The following TENM2 variants were observed in gnomAD, a reference collection of about 807,000 sequenced individuals.
TENM2 encodes teneurin-2.
A neutral mutation model predicts 245.2 loss-of-function variants in TENM2; 52 were observed. That is an observed-to-expected ratio of 0.21 (90% CI 0.17 to 0.27). The LOEUF is 0.27. TENM2 is among the 10% of genes least tolerant of loss of function. The pLI, the probability that TENM2 is intolerant of heterozygous loss-of-function variation, is 1.00. For synonymous variants in TENM2, 1,363 were observed against 1,438.9 expected (o/e 0.95, Z 1.19); for missense variants, 3,046 against 3,666.8 (o/e 0.83, Z 4.37).
intron 4 of TENM2, among the ~76,000 whole-genome samples, chr5:167,985,109 T>C (rs1214222718): frequency 6.6e-6 from 1 of 152,224 alleles, no homozygotes; most frequent in East Asian, 1.9e-4. Context: ...ACAATAAACC[T>C]GATGCTTCAA....
chr5:167,893,830 T>G (rs2151475836), intron 3 of TENM2, among the ~76,000 whole-genome samples: 1 of 152,280 alleles, frequency 6.6e-6, no homozygotes, highest in African/African-American at 2.4e-5. Context: ...GTGTCAGCCT[T>G]GATTTCTTAT....
At chr5:167,121,664 C>T in the TENM2 span, among the ~76,000 whole-genome samples, 52 of 152,316 alleles carry the variant, frequency 3.4e-4, no homozygotes, top group African/African-American at 1.2e-3. Flanking sequence ...GAACCTCAGT[C>T]CCCAGGTTCT....
At chr5:168,180,960 C>T (rs1199332831) in intron 13 of TENM2, among the ~76,000 whole-genome samples, 9 of 151,836 alleles carry the variant, frequency 5.9e-5, no homozygotes, top group Admixed American at 1.3e-4. Context: ...GAATTCAGTA[C>T]GTCTGGGTTG....
chr5:168,034,546 C>T (rs1787490574), intron 5 of TENM2, among the ~76,000 whole-genome samples: 1 of 151,572 alleles, frequency 6.6e-6, no homozygotes. Flanking sequence ...AGCCTGGCAA[C>T]ATAGTGAGAC....
At chr5:167,885,171 T>G (rs541510387) in intron 3 of TENM2, among the ~76,000 whole-genome samples, 1 of 152,332 alleles carries the variant, frequency 6.6e-6, no homozygotes, top group Non-Finnish European at 1.5e-5. Flanking sequence ...GATAGGTGAT[T>G]TGCAAATATT....
chr5:167,138,443 A>G, the TENM2 span, among the ~76,000 whole-genome samples: 1 of 152,216 alleles, frequency 6.6e-6, no homozygotes, highest in Non-Finnish European at 1.5e-5. Flanking sequence ...ATAAAAGGCA[A>G]CATAGTTGCA....
At chr5:166,990,734 T>C in the TENM2 span, among the ~76,000 whole-genome samples, 1 of 152,198 alleles carries the variant, frequency 6.6e-6, no homozygotes, top group South Asian at 2.1e-4. Flanking sequence ...TTCAAATAGG[T>C]CAACTGTCAC....
chr5:167,437,813 A>G (rs989296733), intron 2 of TENM2, among the ~76,000 whole-genome samples: 1 of 152,164 alleles, frequency 6.6e-6, no homozygotes, highest in Non-Finnish European at 1.5e-5. Flanking sequence ...GCCTGCTGTG[A>G]TGTAAGACAT....
intron 12 of TENM2, among the ~76,000 whole-genome samples, chr5:168,155,892 T>TAAAAAAAAA (rs55977607): frequency 7.6e-4 from 74 of 96,928 alleles, no homozygotes; most frequent in African/African-American, 2.7e-3. Context: ...CTGGCATCTG[T>TAAAAAAAAA]AAAAAAAAAA....
chr5:168,212,748 G>A (rs536395672), intron 20 of TENM2, among the ~76,000 whole-genome samples: 2 of 152,152 alleles, frequency 1.3e-5, no homozygotes, highest in South Asian at 4.1e-4. Flanking sequence ...AAATGCCCTG[G>A]AAGGACATTT....
intron 25 of TENM2, among the ~76,000 whole-genome samples, chr5:168,236,621 T>C (rs1765445276): frequency 6.6e-6 from 1 of 152,062 alleles, no homozygotes; most frequent in Admixed American, 6.6e-5. Context: ...CTACTGCCAT[T>C]ACCACACTAA....
chr5:167,600,814 G>A (rs1776585615), intron 2 of TENM2, among the ~76,000 whole-genome samples: 1 of 152,194 alleles, frequency 6.6e-6, no homozygotes, highest in South Asian at 2.1e-4. Context: ...TATGTTAAGG[G>A]TAGAATTGAT....
At chr5:167,112,279 T>C in the TENM2 span, among the ~76,000 whole-genome samples, 1 of 152,206 alleles carries the variant, frequency 6.6e-6, no homozygotes, top group Admixed American at 6.5e-5. Flanking sequence ...CACACGGTGG[T>C]AAATGGAAAT....
At chr5:167,710,545 A>T (rs545590291) in intron 2 of TENM2, among the ~76,000 whole-genome samples, 1 of 152,180 alleles carries the variant, frequency 6.6e-6, no homozygotes, top group Admixed American at 6.5e-5. Flanking sequence ...TTCAAGACAG[A>T]AGGGATAATG....
intron 2 of TENM2, among the ~76,000 whole-genome samples, chr5:167,403,392 C>T (rs755020214): frequency 2.1e-4 from 32 of 151,948 alleles, no homozygotes; most frequent in Non-Finnish European, 3.4e-4. Context: ...TTATGCTATG[C>T]TAATATATTT....
intron 2 of TENM2, among the ~76,000 whole-genome samples, chr5:167,790,702 C>T (rs1764894144): frequency 6.6e-6 from 1 of 152,138 alleles, no homozygotes; most frequent in Admixed American, 6.5e-5. Context: ...AGAGACATGA[C>T]GTTGTGGAAA....
At chr5:167,632,495 A>AT (rs1440102760) in intron 2 of TENM2, among the ~76,000 whole-genome samples, 1 of 152,246 alleles carries the variant, frequency 6.6e-6, no homozygotes, top group Non-Finnish European at 1.5e-5. Flanking sequence ...TAAGGCAGCC[A>AT]TTGCCGCCAT....
At chr5:167,588,868 A>T (rs1263591861) in intron 2 of TENM2, among the ~76,000 whole-genome samples, 1 of 152,134 alleles carries the variant, frequency 6.6e-6, no homozygotes, top group Non-Finnish European at 1.5e-5. Context: ...TTGTCTGTTT[A>T]TTCTTGGAAC....
At chr5:167,073,855 C>T in the TENM2 span, among the ~76,000 whole-genome samples, 4 of 152,144 alleles carry the variant, frequency 2.6e-5, no homozygotes, top group African/African-American at 9.7e-5. Flanking sequence ...AATCATTAAG[C>T]TTTTCTCATG....
Sources: gnomAD v4.1 joint callset for allele counts (sites outside exome capture counted in the v4.1 genomes callset) on GRCh38, gnomAD v4.1.1 for gene constraint, MANE v1.5 for transcripts, NCBI Gene and HGNC (gene_info 2026-07-23, HGNC 2026-07-21) for gene names.